NPHP1: variants seen among roughly 807,000 people sequenced by gnomAD.
NPHP1 encodes the protein nephrocystin 1.
A neutral mutation model predicts 90.4 loss-of-function variants in NPHP1; 70 were observed. That is an observed-to-expected ratio of 0.77 (90% confidence interval 0.64 to 0.95). The LOEUF is 0.95. Among genes scored for constraint, NPHP1 ranks in the 40% least tolerant of loss-of-function variants. The pLI is 0.00. For missense variants in NPHP1, 764 were observed against 795.9 expected, an observed-to-expected ratio of 0.96 and a Z score of 0.48; for synonymous variants, 256 against 271.7, an observed-to-expected ratio of 0.94 and a Z score of 0.57.
At chr2:110,176,017 A>AT (rs1047617662) in intron 4 of NPHP1, among the ~76,000 whole-genome samples, 2 of 147,644 alleles carry the variant, frequency 1.4e-5, no homozygotes, top group Admixed American at 1.4e-4. Flanking sequence ...CACATATTGT[A>AT]TTTTTTTAGT....
chr2:110,188,902 C>A (rs1023775806), intron 2 of NPHP1, among the ~76,000 whole-genome samples: 1 of 151,982 alleles, frequency 6.6e-6, no homozygotes, highest in Admixed American at 6.6e-5. Context: ...GCGGAAAGGG[C>A]CCCCTATTTA....
intron 1 of NPHP1, 114 bp from the exon 2 acceptor site, chr2:110,201,608 T>C (rs1013150615): frequency 1.3e-6 from 1 of 751,988 alleles, no homozygotes; most frequent in African/African-American, 1.8e-5. Context: ...ACAACAAAGT[T>C]TTAAAAATTT....
At chr2:110,198,528 T>G (rs17162349) in intron 2 of NPHP1, among the ~76,000 whole-genome samples, 6,492 of 152,204 alleles carry the variant, frequency 0.043, 458 homozygotes, top group African/African-American at 0.14. Context: ...ACAGAAAACC[T>G]GAGCCAGTTA....
chr2:110,129,336 T>C, intron 17 of NPHP1, 77 bp from the exon 18 acceptor site: 1 of 1,053,854 alleles, frequency 9.5e-7, no homozygotes, highest in Non-Finnish European at 1.5e-6. Flanking sequence ...ACAAAAATAT[T>C]CAGATGAAAA....
At position 110,124,054 on chromosome 2, in the gene NPHP1, CTTTG is replaced by C. The variant is rs762322858; in HGVS notation, c.1767_1770del (p.Asp589GlufsTer4). 6.2e-7 allele frequency: 1 copy of C among 1,614,030 alleles called. No homozygotes were observed. The highest frequency in any genetic ancestry group is 2.2e-5 in the East Asian group (1 of 44,882). On this transcript the variant is annotated frameshift_variant, in exon 20 of 20. Coordinates refer to ENST00000445609, the MANE Select transcript of NPHP1 (RefSeq NM_001128178.3). LOFTEE classifies it high-confidence loss of function. ...AGGAGAAACGTGGACTTCAGGAACT[CTTTG>C]TCTCTCTGGGAAAACACCACCCCCA...
chr2:110,161,299 G>A (rs1682306193), intron 10 of NPHP1, among the ~76,000 whole-genome samples: 1 of 152,074 alleles, frequency 6.6e-6, no homozygotes, highest in African/African-American at 2.4e-5. Flanking sequence ...TATGTTGGAA[G>A]CATTACTATT....
intron 9 of NPHP1, among the ~76,000 whole-genome samples, chr2:110,162,731 T>C (rs897988967): frequency 1.3e-5 from 2 of 151,896 alleles, no homozygotes; most frequent in Non-Finnish European, 1.5e-5. Flanking sequence ...GGTGTGCTGA[T>C]AGCACAGATG....
intron 11 of NPHP1, among the ~76,000 whole-genome samples, chr2:110,150,969 C>G (rs1681424346): frequency 6.6e-6 from 1 of 151,126 alleles, no homozygotes; most frequent in African/African-American, 2.4e-5. Context: ...AGTTTGAGAC[C>G]AGCCTGGCCA....
At chr2:110,146,684 G>A (rs1681073491) in intron 14 of NPHP1, 69 bp downstream of exon 14, 2 of 1,106,186 alleles carry the variant, frequency 1.8e-6, no homozygotes, top group Non-Finnish European at 2.8e-6. Context: ...ACAAACCTGA[G>A]GTATCAAGAG....
intron 2 of NPHP1, among the ~76,000 whole-genome samples, chr2:110,183,105 A>C (rs1039705959): frequency 4.6e-5 from 7 of 152,200 alleles, no homozygotes. Flanking sequence ...TCCTAAATAC[A>C]TATGCACCCA....
chr2:110,152,353 T>G (rs765156335), intron 11 of NPHP1, among the ~76,000 whole-genome samples: 1 of 151,968 alleles, frequency 6.6e-6, no homozygotes, highest in Non-Finnish European at 1.5e-5. Context: ...ACAACCATTC[T>G]GCTCCACATA....
chr2:110,170,788 A>G (rs1016738283), intron 4 of NPHP1, among the ~76,000 whole-genome samples: 1 of 152,150 alleles, frequency 6.6e-6, no homozygotes, highest in Admixed American at 6.5e-5. Flanking sequence ...GTCTTGAGAG[A>G]TGATATGGAA....
At chr2:110,170,137 C>T in intron 4 of NPHP1, 139 bp from the exon 5 acceptor site, 1 of 1,167,504 alleles carries the variant, frequency 8.6e-7, no homozygotes, top group Admixed American at 1.8e-5. Context: ...ATACAAAGAA[C>T]AGTTTCTACC....
intron 16 of NPHP1, among the ~76,000 whole-genome samples, chr2:110,140,789 G>A (rs1465539572): frequency 6.6e-6 from 1 of 152,096 alleles, no homozygotes; most frequent in Non-Finnish European, 1.5e-5. Flanking sequence ...CAGGCTCTAT[G>A]AACATCCAAG....
chr2:110,170,141 T>C, intron 4 of NPHP1, 143 bp from the exon 5 acceptor site: 1 of 1,151,472 alleles, frequency 8.7e-7, no homozygotes. Flanking sequence ...AAAGAACAGT[T>C]TCTACCATCT....
intron 1 of NPHP1, chr2:110,202,316 C>A: frequency 8.6e-6 from 3 of 347,998 alleles, no homozygotes; most frequent in South Asian, 2.2e-5. Flanking sequence ...CCATTAGTTT[C>A]TTCTCTACTC....
chr2:110,187,924 A>G (rs1684412012), intron 2 of NPHP1, among the ~76,000 whole-genome samples: 1 of 152,264 alleles, frequency 6.6e-6, no homozygotes, highest in South Asian at 2.1e-4. Flanking sequence ...AAAAATGACT[A>G]TCTCAATAAA....
At chr2:110,171,782 TG>T (rs1683143307) in intron 4 of NPHP1, among the ~76,000 whole-genome samples, 1 of 152,168 alleles carries the variant, frequency 6.6e-6, no homozygotes, top group African/African-American at 2.4e-5. Context: ...TTGGTCATGA[TG>T]TATTACCCTT....
intron 16 of NPHP1, among the ~76,000 whole-genome samples, chr2:110,141,161 GC>G (rs1680599445): frequency 6.6e-6 from 1 of 152,024 alleles, no homozygotes; most frequent in Non-Finnish European, 1.5e-5. Flanking sequence ...GATTTCAAAT[GC>G]CCCCTGATTT....
Sources: allele counts gnomAD v4.1 joint callset (sites outside exome capture counted in the v4.1 genomes callset), GRCh38; gene constraint gnomAD v4.1.1; transcripts MANE v1.5; gene names NCBI Gene and HGNC (gene_info 2026-07-23, HGNC 2026-07-21).